The following MIB2 variants were observed in gnomAD, a reference collection of about 807,000 sequenced individuals.
MIB2 encodes the protein MIB E3 ubiquitin protein ligase 2.
Under a neutral mutation model 96.6 loss-of-function variants are expected in MIB2, and 78 were observed. The observed-to-expected ratio is 0.81, with a 90% CI of 0.67 to 0.97. The LOEUF (loss-of-function observed/expected upper bound fraction) is 0.97, where lower values mean the gene tolerates loss of function less well. MIB2 is among the 50% of genes least tolerant of loss of function. The pLI is 0.00. For synonymous variants in MIB2, 820 were observed against 629.5 expected, an observed-to-expected ratio of 1.30 and a Z score of -4.53; for missense variants, 1,543 against 1,424.0, an observed-to-expected ratio of 1.08 and a Z score of -1.35.
chr1:1,628,114 T>C lies in MIB2; in HGVS notation c.1776T>C (p.Asp592=), dbSNP rs1569859705. 2 of 1,613,334 alleles carry C rather than the reference T, an allele frequency of 1.2e-6. No individual in the cohort carries two copies. Among genetic ancestry groups the C allele is most frequent in the East Asian group, 4.5e-5 (2 of 44,868 alleles). The stretch of plus-strand genomic sequence containing the variant: ...TCCTCACGGAGGTGCCAAACATCGA[T>C]GTTACCGCCACCAACAGCCAGGGTT... The part of the protein sequence containing the change: ...VEVLTEVPNI[D]VTATNSQGFT... Residue 592 remains aspartate (D), a synonymous_variant, in exon 14 of 20, where the codon GAT becomes GAC. Coordinates refer to ENST00000355826, the MANE Select transcript of MIB2 (RefSeq NM_001170687.4).
rs1346950065 is a variant in MIB2, at chr1:1,625,685, C to T, written c.972+32C>T. 2 of 1,524,700 alleles carry T rather than the reference C, an allele frequency of 1.3e-6. No individual in the cohort carries two copies. The highest frequency in any genetic ancestry group is 2.5e-5 in the East Asian group (1 of 40,626). The allele number at this position is 1,524,700 out of a possible 1,614,324, so 94.4% of individuals were successfully genotyped here. On this transcript the variant is annotated intron_variant, in intron 8 of 19. Transcript: ENST00000355826. This position sits in a 1 kb window ranked among gnomAD's most constrained non-coding sequence, Gnocchi z 5.0. ...GGGGGGCTGGGCTGCGCCTCATCTG[C>T]TTGCTTCTGTAACCCCTTCCACGTA... is the stretch of plus-strand genomic sequence containing the variant.
intron 1 of MIB2, 117 bp downstream of exon 1, chr1:1,615,750 G>A (rs1395302864): frequency 3.0e-5 from 43 of 1,454,562 alleles, no homozygotes; most frequent in Non-Finnish European, 3.9e-5. Flanking sequence ...AGCAGCCCCG[G>A]GCTGGACTCG....
At chr1:1,620,992 G>T (rs980906999) in intron 2 of MIB2, among the ~76,000 whole-genome samples, 1 of 152,262 alleles carries the variant, frequency 6.6e-6, no homozygotes, top group Non-Finnish European at 1.5e-5. Flanking sequence ...CGCAGTCAGC[G>T]CTGGGATGGC....
At chr1:1,621,171 G>A (rs140329231) in intron 2 of MIB2, among the ~76,000 whole-genome samples, 15 of 152,380 alleles carry the variant, frequency 9.8e-5, no homozygotes, top group African/African-American at 2.9e-4. Context: ...ACCACCTGGG[G>A]GCTGCCCTCA....
At position 1,629,127 on chromosome 1, in the gene MIB2, G is replaced by A. The variant is rs1028112492; in HGVS notation, c.2203-6G>A. 13 of 1,480,420 alleles carry A rather than the reference G, an allele frequency of 8.8e-6. No homozygotes were observed. The highest frequency in any genetic ancestry group is 4.4e-5 in the African/African-American group (3 of 67,848). The allele number at this position is 1,480,420 out of a possible 1,614,324, so 91.7% of individuals were successfully genotyped here. A position where few individuals can be genotyped will look rare whatever the true frequency, so the allele number is the denominator to read the frequency against. The stretch of plus-strand genomic sequence containing the variant: ...CGCCCTCACCGGCGTCTGTCCTGCC[G>A]CCCAGCTACAGGCCTCGGGCCTCCC... On this transcript the variant is annotated splice_polypyrimidine_tract_variant and splice_region_variant and intron_variant, in intron 16 of 19. Transcript: ENST00000355826.
chr1:1,616,774 C>A (rs549693524), intron 2 of MIB2, 160 bp downstream of exon 2: 146 of 591,548 alleles, frequency 2.5e-4, no homozygotes, highest in Non-Finnish European at 6.2e-5. Context: ...AGTTCGGAAC[C>A]CATGGAGGAA....
At chr1:1,620,753 T>C (rs187832454) in intron 2 of MIB2, among the ~76,000 whole-genome samples, 323 of 152,358 alleles carry the variant, frequency 2.1e-3, no homozygotes, top group Middle Eastern at 0.01. Flanking sequence ...TGAGGTCAGT[T>C]TGTGGATCCT....
chr1:1,624,060 T>A, intron 4 of MIB2, 115 bp downstream of exon 4: 1 of 1,284,848 alleles, frequency 7.8e-7, no homozygotes. Flanking sequence ...ACGGAGCAAG[T>A]CTCTCCAGAG....
chr1:1,624,983 T>G lies in MIB2; in HGVS notation c.527-8T>G. The G allele has an allele frequency of 1.2e-6, 2 of 1,609,486 alleles. No individual in the cohort carries two copies. Among genetic ancestry groups the G allele is most frequent in the Non-Finnish European group, 8.5e-7 (1 of 1,177,600 alleles). ...GCCTTAGCCTGCTGGGGGGGCCTCT[T>G]TCCCCAGGAGGGGAAGGGAAACCGG... On this transcript the variant is annotated splice_region_variant and splice_polypyrimidine_tract_variant and intron_variant, in intron 5 of 19. Transcript: ENST00000355826.
Position 1,625,845 on chromosome 1 carries a change from A to C in MIB2, c.972+192A>C. On this transcript the variant is annotated intron_variant, in intron 8 of 19. Transcript: ENST00000355826. The surrounding 1 kb of genome is among the most constrained non-coding windows in gnomAD (Gnocchi z 5.0). Reference sequence around the variant, plus strand: ...GAGAAGAGGGGGTTGGGTGTGAAGGAACCCAGAGGAGGGTATGTCTCTGGG... The same window carrying C: ...GAGAAGAGGGGGTTGGGTGTGAAGGCACCCAGAGGAGGGTATGTCTCTGGG... 4 of 594,882 alleles carry C rather than the reference A, an allele frequency of 6.7e-6. No homozygotes were observed. The highest frequency in any genetic ancestry group is 1.2e-5 in the Non-Finnish European group (4 of 333,140). 36.9% of individuals were successfully genotyped at this position (594,882 alleles called of 1,614,324 possible).
rs1408195931 is a variant in MIB2 at position 1,628,532 on chromosome 1, C to T, written c.2012C>T (p.Pro671Leu). The change falls in exon 16 of 20, where the codon CCG (proline) becomes CTG (leucine). Residue 671 changes from proline to leucine, a missense_variant. Coordinates refer to ENST00000355826, the MANE Select transcript of MIB2 (RefSeq NM_001170687.4). ...GTGCGCAACCGGAAGCTGCAGTCCC[C>T]GCTGCATCTCGCCGTGCAACAGGCC... ...VNVRNRKLQSPLHLAVQQAHV... is the reference protein window; with the variant it reads ...VNVRNRKLQSLLHLAVQQAHV... 1.2e-6 allele frequency: 2 copies of T among 1,600,812 alleles called. No individual in the cohort carries two copies. Among genetic ancestry groups the T allele is most frequent in the Non-Finnish European group, 1.7e-6 (2 of 1,178,612 alleles).
At position 1,628,206 on chromosome 1, in the gene MIB2, C is replaced by T. The variant is rs375062393; in HGVS notation, c.1841+27C>T. The stretch of plus-strand genomic sequence containing the variant: ...TGAGTGTGGGGTGGGCACACAGCTG[C>T]AGCCGGCCTCTTGCTGTGCTGCCTG... On this transcript the variant is annotated intron_variant, in intron 14 of 19. Transcript: ENST00000355826. 3.7e-6 allele frequency: 6 copies of T among 1,612,110 alleles called. No homozygotes were observed. The African/African-American group carries it at 8.0e-5, about 22-fold the overall frequency.
intron 4 of MIB2, among the ~76,000 whole-genome samples, chr1:1,624,397 G>C (rs1402864715): frequency 2.0e-5 from 3 of 152,174 alleles, no homozygotes; most frequent in African/African-American, 7.2e-5. Flanking sequence ...TGTTGGCCAG[G>C]CCTGCTTTCC....
rs1022967758 is a variant in MIB2, at chr1:1,628,574, C to T, written c.2054C>T (p.Pro685Leu). The change falls in exon 16 of 20, where the codon CCG (proline) becomes CTG (leucine). Residue 685 changes from proline (P) to leucine (L), a missense_variant. Pro to Leu is a moderately conservative substitution (Grantham distance 98, BLOSUM62 -3). Transcript: ENST00000355826. ...AVQQAHVGLVPLLVDAGCSVN... is the reference protein window; with the variant it reads ...AVQQAHVGLVLLLVDAGCSVN... The stretch of plus-strand genomic sequence containing the variant: ...CAACAGGCCCACGTGGGGCTGGTGC[C>T]GCTACTGGTGGACGCTGGGTGCAGT... 2.5e-6 allele frequency: 4 copies of T among 1,600,760 alleles called. No homozygotes were observed. The highest frequency in any genetic ancestry group is 1.1e-5 in the South Asian group (1 of 90,422).
Position 1,629,254 on chromosome 1 carries a change from A to G in MIB2, c.2324A>G (p.Asp775Gly). The G allele has an allele frequency of 6.5e-7, 1 of 1,546,156 alleles. No homozygotes were observed. Among genetic ancestry groups the G allele is most frequent in the Non-Finnish European group, 8.6e-7 (1 of 1,157,392 alleles). ...AACCACCGCGGTCGGAGCCCGCTGG[A>G]CCTGGCCGCCGAGGGTCGCGTGCTC... ...YTNHRGRSPL[D>G]LAAEGRVLKA... Residue 775 changes from aspartate to glycine, a missense_variant, in exon 17 of 20, where the codon GAC becomes GGC. Coordinates refer to ENST00000355826, the MANE Select transcript of MIB2 (RefSeq NM_001170687.4).
rs770187314 is a variant in MIB2 at position 1,623,704 on chromosome 1, G to A, written c.247+5G>A. The A allele has an allele frequency of 1.3e-6, 2 of 1,523,824 alleles. No individual in the cohort carries two copies. The highest frequency in any genetic ancestry group is 1.8e-6 in the Non-Finnish European group (2 of 1,134,120). 94.4% of individuals were successfully genotyped at this position (1,523,824 alleles called of 1,614,324 possible). On this transcript the variant is annotated splice_donor_5th_base_variant and intron_variant, in intron 3 of 19. Coordinates refer to ENST00000355826, the MANE Select transcript of MIB2 (RefSeq NM_001170687.4). ...TGTACGACAACGCCCAGATCGGTGC[G>A]CGCCAAGGGCAGGCGGGACGGGCAG...
intron 12 of MIB2, 56 bp from the exon 13 acceptor site, chr1:1,627,616 CT>C: frequency 6.5e-7 from 1 of 1,544,198 alleles, no homozygotes; most frequent in Non-Finnish European, 8.7e-7. Flanking sequence ...GGGGCTGAGC[CT>C]GTGCGTCCAG....
At chr1:1,616,048 C>A in intron 1 of MIB2, 2 of 984,036 alleles carry the variant, frequency 2.0e-6, no homozygotes, top group Non-Finnish European at 2.4e-6. Flanking sequence ...CGGTCCCGCG[C>A]CCCCGAGCGG....
Position 1,623,460 on chromosome 1 carries a change from C to G in MIB2, c.8C>G (p.Pro3Arg). 1 of 1,598,360 alleles carries G rather than the reference C, an allele frequency of 6.3e-7. No individual in the cohort carries two copies. The highest frequency in any genetic ancestry group is 8.5e-7 in the Non-Finnish European group (1 of 1,174,052). Reference protein sequence around the residue: MDPDPQAGVQVGM... With the variant: MDRDPQAGVQVGM... ...CGAGCAGCCCCGCCCAACATGGACC[C>G]AGACCCCCAGGCGGGCGTGCAGGTG... The change falls in exon 3 of 20, where the codon CCA becomes CGA. Residue 3 changes from proline (P) to arginine (R), a missense_variant. By Grantham distance (103) the Pro-to-Arg change is moderately radical (BLOSUM62 -2). Coordinates refer to ENST00000355826, the MANE Select transcript of MIB2 (RefSeq NM_001170687.4).
Sources: allele counts gnomAD v4.1 joint callset (sites outside exome capture counted in the v4.1 genomes callset), GRCh38; gene constraint gnomAD v4.1.1; non-coding constraint Gnocchi (gnomAD v3.1); transcripts MANE v1.5; gene names NCBI Gene and HGNC (gene_info 2026-07-23, HGNC 2026-07-21).